PTPRE: variants seen among roughly 807,000 people sequenced by gnomAD.
PTPRE encodes the protein receptor-type tyrosine-protein phosphatase epsilon.
Under a neutral mutation model 102.0 loss-of-function variants are expected in PTPRE, and 51 were observed. The observed-to-expected ratio is 0.50, with a 90% CI of 0.40 to 0.63. The LOEUF is 0.63. Among genes scored for constraint, PTPRE ranks in the 30% least tolerant of loss-of-function variants. The pLI, the probability that PTPRE is intolerant of heterozygous loss-of-function variation, is 0.00. For missense variants in PTPRE, 752 were observed against 915.1 expected, an observed-to-expected ratio of 0.82 and a Z score of 2.30; for synonymous variants, 345 against 348.2, an observed-to-expected ratio of 0.99 and a Z score of 0.10.
Position 128,030,083 on chromosome 10 carries a change from G to A in PTPRE, c.-7-10792G>A, listed in dbSNP as rs575940211. Among the ~76,000 whole-genome samples the A allele has an allele frequency of 1.2e-4, 19 of 152,320 alleles. No individual in the cohort carries two copies. In the South Asian group the frequency reaches 3.3e-3, roughly 27 times the overall value. On this transcript the variant is annotated intron_variant, in intron 2 of 20. Coordinates refer to ENST00000254667, the MANE Select transcript of PTPRE (RefSeq NM_006504.6). Reference sequence around the variant, plus strand: ...GAATTGCAGGCTCCTTTTTGGAAACGGCAGAGGCTCCCCATGTGGGCTTCC... The same window carrying A: ...GAATTGCAGGCTCCTTTTTGGAAACAGCAGAGGCTCCCCATGTGGGCTTCC...
chr10:128,077,871 C>T (rs145869489), intron 19 of PTPRE, 88 bp downstream of exon 19: 1,002 of 1,434,342 alleles, frequency 7.0e-4, no homozygotes, highest in Non-Finnish European at 8.0e-4. Context: ...AGAGCCTGGT[C>T]GCTGCCCCTG....
At position 128,063,147 on chromosome 10, in the gene PTPRE, C is replaced by T. The variant is rs200235083; in HGVS notation, c.690C>T (p.Ile230=). 50 of 1,614,202 alleles carry T rather than the reference C, an allele frequency of 3.1e-5. 2 individuals carry two copies. In the East Asian group the frequency reaches 4.0e-4, roughly 13 times the overall value. ...RMVWEQKSAT[I]VMLTNLKERK... is the part of the protein sequence containing the mutation. ...TCTGGGAGCAAAAGTCTGCGACCAT[C>T]GTCATGTTAACAAACTTGAAAGAAA... The change falls in exon 10 of 21, where the codon ATC becomes ATT. Residue 230 remains isoleucine (I), a synonymous_variant. Coordinates refer to ENST00000254667, the MANE Select transcript of PTPRE (RefSeq NM_006504.6).
At chr10:128,019,779 C>G (rs866620717) in intron 2 of PTPRE, among the ~76,000 whole-genome samples, 1 of 152,304 alleles carries the variant, frequency 6.6e-6, no homozygotes, top group Middle Eastern at 3.4e-3. Flanking sequence ...GAGGGGGTGC[C>G]AGACAGGGTC....
At chr10:127,975,811 A>G (rs1438802576) in intron 1 of PTPRE, among the ~76,000 whole-genome samples, 3 of 152,168 alleles carry the variant, frequency 2.0e-5, no homozygotes, top group African/African-American at 7.2e-5. Flanking sequence ...AGGCAGGTAG[A>G]GGGGAGTAAA....
chr10:127,979,600 C>T lies in PTPRE; in HGVS notation c.-30-2674C>T, dbSNP rs140368273. On this transcript the variant is annotated intron_variant, in intron 1 of 20. Transcript: ENST00000254667. The stretch of plus-strand genomic sequence containing the variant: ...GCTGAGGCAAGAGGACTGCTTGAGC[C>T]CAGGAGGTTGAGGCTGCAGTGAGCC... Among the ~76,000 whole-genome samples, 432 of 152,226 alleles carry T rather than the reference C, an allele frequency of 2.8e-3. 2 individuals carry two copies. The highest frequency in any genetic ancestry group is 0.01 in the African/African-American group (417 of 41,530).
intron 11 of PTPRE, among the ~76,000 whole-genome samples, 162 bp downstream of exon 11, chr10:128,066,356 T>G (rs1850089616): frequency 6.6e-6 from 1 of 152,212 alleles, no homozygotes; most frequent in Non-Finnish European, 1.5e-5. Flanking sequence ...TAGGCAGACA[T>G]GCAAGAGGGC....
chr10:128,074,864 A>G (rs1488818522), intron 17 of PTPRE, among the ~76,000 whole-genome samples: 2 of 152,126 alleles, frequency 1.3e-5, no homozygotes, highest in African/African-American at 4.8e-5. Flanking sequence ...TAGCTGCCCC[A>G]TTTTACATTC....
At chr10:128,081,956 A>C (rs1413432050) in intron 20 of PTPRE, among the ~76,000 whole-genome samples, 3 of 152,176 alleles carry the variant, frequency 2.0e-5, no homozygotes, top group African/African-American at 4.8e-5. Context: ...TGTTGGAAAG[A>C]AGCAGGGAGG....
At chr10:127,939,425 T>C (rs2135281151) in intron 1 of PTPRE, among the ~76,000 whole-genome samples, 1 of 152,334 alleles carries the variant, frequency 6.6e-6, no homozygotes, top group Non-Finnish European at 1.5e-5. Context: ...AACAGGGATC[T>C]CACATTTTAA....
chr10:127,914,929 C>G (rs757007500), intron 1 of PTPRE, among the ~76,000 whole-genome samples: 1 of 152,208 alleles, frequency 6.6e-6, no homozygotes, highest in Non-Finnish European at 1.5e-5. Context: ...AGCTAATATT[C>G]AGACCCAAAC....
At chr10:127,918,601 A>G (rs1462031685) in intron 1 of PTPRE, among the ~76,000 whole-genome samples, 2 of 152,060 alleles carry the variant, frequency 1.3e-5, no homozygotes, top group East Asian at 3.9e-4. Flanking sequence ...GGAAGAAATG[A>G]AAATTATTGA....
intron 1 of PTPRE, among the ~76,000 whole-genome samples, chr10:127,965,190 G>A (rs1850151975): frequency 6.6e-6 from 1 of 152,158 alleles, no homozygotes. Flanking sequence ...ATTATCAAAT[G>A]GCAGGAAATA....
At chr10:127,984,864 C>T (rs1851950998) in intron 2 of PTPRE, among the ~76,000 whole-genome samples, 1 of 152,194 alleles carries the variant, frequency 6.6e-6, no homozygotes, top group African/African-American at 2.4e-5. Flanking sequence ...GTAAATTGCC[C>T]AGTCTTGGGT....
intron 10 of PTPRE, among the ~76,000 whole-genome samples, chr10:128,064,141 A>G (rs1029008943): frequency 1.3e-5 from 2 of 152,184 alleles, no homozygotes; most frequent in African/African-American, 2.4e-5. Flanking sequence ...TGGGAGTACC[A>G]GGCCTTGGGG....
intron 13 of PTPRE, 50 bp downstream of exon 13, chr10:128,069,877 G>C (rs368663307): frequency 4.3e-6 from 7 of 1,613,192 alleles, no homozygotes; most frequent in Non-Finnish European, 5.9e-6. Flanking sequence ...AAGCAAACCC[G>C]ATGCCTTCGC....
chr10:128,010,161 C>A (rs777279643), intron 2 of PTPRE, among the ~76,000 whole-genome samples: 4 of 152,246 alleles, frequency 2.6e-5, no homozygotes, highest in Admixed American at 6.5e-5. Flanking sequence ...GTCCCCAGCC[C>A]TTCCAGCCTG....
chr10:127,947,933 C>A (rs1215142398), intron 1 of PTPRE, among the ~76,000 whole-genome samples: 2 of 152,174 alleles, frequency 1.3e-5, no homozygotes, highest in Non-Finnish European at 2.9e-5. Flanking sequence ...GTTGAGCCAA[C>A]CCCCCAATAA....
intron 6 of PTPRE, among the ~76,000 whole-genome samples, chr10:128,054,039 T>C (rs1265952591): frequency 6.6e-6 from 1 of 151,980 alleles, no homozygotes; most frequent in East Asian, 1.9e-4. Flanking sequence ...GGATTACAGG[T>C]GTGAGTCACC....
intron 1 of PTPRE, among the ~76,000 whole-genome samples, chr10:127,928,977 A>G (rs1003410535): frequency 6.6e-6 from 1 of 152,240 alleles, no homozygotes; most frequent in African/African-American, 2.4e-5. Flanking sequence ...TAACAGCTTT[A>G]TGTATTCAAT....
Sources: gnomAD v4.1 joint callset for allele counts (sites outside exome capture counted in the v4.1 genomes callset) on GRCh38, gnomAD v4.1.1 for gene constraint, MANE v1.5 for transcripts, NCBI Gene and HGNC (gene_info 2026-07-23, HGNC 2026-07-21) for gene names.